Variants in PTPRT observed in about 807,000 individuals in gnomAD.
PTPRT encodes protein tyrosine phosphatase receptor type T, also known as receptor-type tyrosine-protein phosphatase T.
In PTPRT, 56 loss-of-function variants were observed where a neutral mutation model predicts 176.8. The observed-to-expected ratio is 0.32, with a 90% CI of 0.26 to 0.40. PTPRT has a LOEUF of 0.40. PTPRT is among the 10% of genes least tolerant of loss of function. PTPRT has a pLI of 1.00. For synonymous variants in PTPRT, 783 were observed against 739.0 expected, an observed-to-expected ratio of 1.06 and a Z score of -0.96; for missense variants, 1,540 against 1,908.2, an observed-to-expected ratio of 0.81 and a Z score of 3.60.
intron 23 of PTPRT, 59 bp from the exon 24 acceptor site, chr20:42,106,980 G>C: frequency 6.3e-7 from 1 of 1,583,304 alleles, no homozygotes. Flanking sequence ...GCCCTGGGGA[G>C]GCCCCTAGCA....
rs543239621 is a variant in PTPRT, at chr20:43,180,174, T to C, written c.88+9472A>G. Among the ~76,000 whole-genome samples the C allele has an allele frequency of 3.3e-5, 5 of 152,240 alleles. No homozygotes were observed. The South Asian group carries it at 1.0e-3, about 32-fold the overall frequency. ...CTCTCCTTCCCTTGGGCATCAGTGCTCCTGGTTCTTGGGTGTTCAGACTCA... is the reference window on the plus strand; with the variant it reads ...CTCTCCTTCCCTTGGGCATCAGTGCCCCTGGTTCTTGGGTGTTCAGACTCA... On this transcript the variant is annotated intron_variant, in intron 1 of 30. Transcript: ENST00000373187.
At chr20:42,364,584 C>T (rs570201610) in intron 9 of PTPRT, among the ~76,000 whole-genome samples, 2 of 152,228 alleles carry the variant, frequency 1.3e-5, no homozygotes, top group South Asian at 4.1e-4. Context: ...ACCCTCTGGC[C>T]TCAGGTTAGA....
intron 15 of PTPRT, among the ~76,000 whole-genome samples, chr20:42,226,228 C>A (rs532620303): frequency 4.1e-4 from 62 of 152,266 alleles, no homozygotes; most frequent in Non-Finnish European, 7.8e-4. Flanking sequence ...AATTGCTCAG[C>A]AAATGCTTAT....
intron 1 of PTPRT, among the ~76,000 whole-genome samples, chr20:43,098,343 C>A (rs1804736543): frequency 6.6e-6 from 1 of 152,140 alleles, no homozygotes; most frequent in Non-Finnish European, 1.5e-5. Context: ...GTGACTCAAC[C>A]CTTCTGCCTC....
chr20:42,320,925 C>G (rs1005172256), intron 11 of PTPRT, among the ~76,000 whole-genome samples: 2 of 152,112 alleles, frequency 1.3e-5, no homozygotes, highest in Non-Finnish European at 2.9e-5. Flanking sequence ...GCAGGTCACA[C>G]CTGGAAGCCA....
At chr20:42,391,920 T>C (rs976843439) in intron 9 of PTPRT, among the ~76,000 whole-genome samples, 2 of 152,206 alleles carry the variant, frequency 1.3e-5, no homozygotes, top group African/African-American at 2.4e-5. Context: ...GAGCTTCTAA[T>C]GTCGGATGCC....
At chr20:43,034,804 C>T (rs1445145851) in intron 1 of PTPRT, among the ~76,000 whole-genome samples, 1 of 152,058 alleles carries the variant, frequency 6.6e-6, no homozygotes, top group Non-Finnish European at 1.5e-5. Context: ...GAATTCCCCA[C>T]TTCAGCACTC....
intron 1 of PTPRT, among the ~76,000 whole-genome samples, chr20:43,123,185 G>A (rs774173381): frequency 6.6e-6 from 1 of 152,142 alleles, no homozygotes; most frequent in South Asian, 2.1e-4. Flanking sequence ...GCACAAAAAT[G>A]GCCTAATACA....
At chr20:42,298,589 C>A (rs1472132307) in intron 12 of PTPRT, among the ~76,000 whole-genome samples, 2 of 152,158 alleles carry the variant, frequency 1.3e-5, no homozygotes, top group Non-Finnish European at 2.9e-5. Context: ...AACAATATAG[C>A]CACACATGAG....
intron 6 of PTPRT, among the ~76,000 whole-genome samples, chr20:42,689,889 A>G (rs1555899611): frequency 2.6e-5 from 4 of 152,152 alleles, no homozygotes; most frequent in Non-Finnish European, 5.9e-5. Flanking sequence ...CCACTGACCC[A>G]TTTTAGACTT....
intron 9 of PTPRT, among the ~76,000 whole-genome samples, chr20:42,411,640 C>T (rs967918125): frequency 2.7e-5 from 4 of 150,932 alleles, no homozygotes; most frequent in East Asian, 2.0e-4. Context: ...AATACAAGGA[C>T]GAACATTACT....
chr20:43,088,465 A>G (rs1473019139), intron 1 of PTPRT, among the ~76,000 whole-genome samples: 2 of 151,886 alleles, frequency 1.3e-5, no homozygotes, highest in Non-Finnish European at 2.9e-5. Context: ...TTGTACAAAT[A>G]TTTACTGAGT....
chr20:42,693,090 C>A (rs79204986), intron 6 of PTPRT, among the ~76,000 whole-genome samples: 3,719 of 152,286 alleles, frequency 0.024, 179 homozygotes, highest in African/African-American at 0.086. Flanking sequence ...TGAATAATTA[C>A]TTACAAAAGC....
chr20:43,126,844 G>A (rs182906308), intron 1 of PTPRT, among the ~76,000 whole-genome samples: 12 of 152,282 alleles, frequency 7.9e-5, no homozygotes, highest in Admixed American at 2.0e-4. Flanking sequence ...GTGCTTCCCA[G>A]GAGTAGTAAA....
intron 3 of PTPRT, among the ~76,000 whole-genome samples, chr20:42,782,226 T>TCCTCCTTCTCCATCTTCCC (rs1035151460): frequency 6.6e-6 from 1 of 151,986 alleles, no homozygotes; most frequent in Non-Finnish European, 1.5e-5. Flanking sequence ...CTGTAGGCAT[T>TCCTCCTTCTCCATCTTCCC]CCTCCTTCTC....
At chr20:43,184,043 G>A (rs1304276878) in intron 1 of PTPRT, among the ~76,000 whole-genome samples, 1 of 152,150 alleles carries the variant, frequency 6.6e-6, no homozygotes, top group Non-Finnish European at 1.5e-5. Flanking sequence ...GGATTTTATG[G>A]GGAGTGTCTG....
intron 7 of PTPRT, among the ~76,000 whole-genome samples, chr20:42,604,487 C>A (rs1478506799): frequency 6.6e-6 from 1 of 152,046 alleles, no homozygotes; most frequent in East Asian, 1.9e-4. Context: ...TATCCCAGAA[C>A]AATGCCTCAG....
chr20:42,735,199 G>A lies in PTPRT; in HGVS notation c.859+21263C>T, dbSNP rs185229608. Among the ~76,000 whole-genome samples the A allele has an allele frequency of 2.6e-4, 39 of 152,276 alleles. No homozygotes were observed. In the East Asian group the frequency reaches 4.1e-3, roughly 16 times the overall value. ...ACACAGTTTGGAGGGCTGCTACTTG[G>A]GAATGGCCCTGGGAAAGCTTAACCT... On this transcript the variant is annotated intron_variant, in intron 6 of 30. Coordinates refer to ENST00000373187, the MANE Select transcript of PTPRT (RefSeq NM_007050.6).
At chr20:42,256,797 G>A (rs1191040485) in intron 13 of PTPRT, among the ~76,000 whole-genome samples, 1 of 152,108 alleles carries the variant, frequency 6.6e-6, no homozygotes, top group Non-Finnish European at 1.5e-5. Flanking sequence ...CCACTACCCA[G>A]CCCAGACTGG....
Sources: allele counts gnomAD v4.1 joint callset (sites outside exome capture counted in the v4.1 genomes callset), GRCh38; gene constraint gnomAD v4.1.1; transcripts MANE v1.5; gene names NCBI Gene and HGNC (gene_info 2026-07-23, HGNC 2026-07-21).